ZMIZ2: variants seen among roughly 807,000 people sequenced by gnomAD.
ZMIZ2 encodes zinc finger MIZ domain-containing protein 2.
Under a neutral mutation model 93.9 loss-of-function variants are expected in ZMIZ2, and 26 were observed. The observed-to-expected ratio is 0.28, with a 90% CI of 0.20 to 0.38. The LOEUF (loss-of-function observed/expected upper bound fraction) is 0.38. Among genes scored for constraint, ZMIZ2 ranks in the 10% least tolerant of loss-of-function variants. ZMIZ2 has a pLI of 1.00. For synonymous variants in ZMIZ2, 485 were observed against 516.4 expected, an observed-to-expected ratio of 0.94 and a Z score of 0.82; for missense variants, 1,023 against 1,235.0, an observed-to-expected ratio of 0.83 and a Z score of 2.57.
chr7:44,764,796 C>A, intron 14 of ZMIZ2, 145 bp from the exon 15 acceptor site: 1 of 812,010 alleles, frequency 1.2e-6, no homozygotes, highest in Non-Finnish European at 2.0e-6. Flanking sequence ...ATAGGGTCAG[C>A]TCACACAGAG....
Position 44,764,999 on chromosome 7 carries a change from T to C in ZMIZ2, c.1987T>C (p.Tyr663His), listed in dbSNP as rs1791559485. ...VDQYMLGILI[Y>H]IQNSDYEEIT... ...CCAGTACATGCTGGGCATCCTGATT[T>C]ACATTCAGAAGTAAGCATCCTCTTC... is the stretch of plus-strand genomic sequence containing the variant. Residue 663 changes from tyrosine to histidine, a missense_variant, in exon 15 of 19, where the codon TAC becomes CAC. Physicochemically the swap from Tyr to His is moderately conservative, Grantham distance 83 (BLOSUM62 2). Around this residue, in one of 3 missense-constraint regions of ZMIZ2, gnomAD observed 319 missense variants for 358.8 expected, o/e 0.89. Coordinates refer to ENST00000309315, the MANE Select transcript of ZMIZ2 (RefSeq NM_031449.4). 1 of 1,614,234 alleles carries C rather than the reference T, an allele frequency of 6.2e-7. No individual in the cohort carries two copies. Among genetic ancestry groups the C allele is most frequent in the African/African-American group, 1.3e-5 (1 of 75,076 alleles).
At chr7:44,760,320 C>T in intron 8 of ZMIZ2, 92 bp downstream of exon 8, 3 of 1,568,472 alleles carry the variant, frequency 1.9e-6, no homozygotes, top group Non-Finnish European at 2.6e-6. Flanking sequence ...GGGGCCGCCT[C>T]CTGTCCACCT....
At position 44,756,440 on chromosome 7, in the gene ZMIZ2, A is replaced by G. The variant is rs201139620; in HGVS notation, c.66A>G (p.Ala22=). The G allele has an allele frequency of 1.8e-4, 296 of 1,614,086 alleles. No homozygotes were observed. In the Middle Eastern group the frequency reaches 2.0e-3, roughly 11 times the overall value. ...PPAPHGDGSF[A]YESVPWQQSA... is the part of the protein sequence containing the mutation. ...TTCCCTGCAGTGATGGTTCATTCGC[A>G]TATGAGTCTGTGCCTTGGCAACAAA... is the stretch of plus-strand genomic sequence containing the variant. Residue 22 remains alanine (A), a synonymous_variant, in exon 3 of 19, where the codon GCA becomes GCG. Coordinates refer to ENST00000309315, the MANE Select transcript of ZMIZ2 (RefSeq NM_031449.4).
At position 44,763,269 on chromosome 7, in the gene ZMIZ2, C is replaced by T. The variant is rs762093072; in HGVS notation, c.1716C>T (p.Phe572=). The change falls in exon 13 of 19, where the codon TTC becomes TTT. Residue 572 remains phenylalanine (F), a synonymous_variant. Transcript: ENST00000309315. The surrounding 1 kb of genome is among the most constrained non-coding windows in gnomAD (Gnocchi z 5.6). ...EHCITKIKRN[F]SSGTIPGTPG... ...TGTTGATGTCAGTAAAGCGGAACTT[C>T]AGCAGCGGCACCATCCCTGGCACCC... 3.1e-6 allele frequency: 5 copies of T among 1,613,908 alleles called. No homozygotes were observed. The Admixed American group carries it at 8.3e-5, about 27-fold the overall frequency.
In ZMIZ2 at chr7:44,757,477, G is replaced by A. The variant is rs557719047; in HGVS notation, c.468G>A (p.Ala156=). 4.9e-5 allele frequency: 79 copies of A among 1,602,002 alleles called. 1 individual carries two copies. The highest frequency in any genetic ancestry group is 3.0e-4 in the Admixed American group (18 of 59,550). ...QAAAAAAVAA[A]AATATATATA... The stretch of plus-strand genomic sequence containing the variant: ...CAGCTGCTGCAGCTGTGGCTGCTGC[G>A]GCAGCCACTGCCACCGCCACAGCCA... The change falls in exon 5 of 19, where the codon GCG becomes GCA. Residue 156 remains alanine (A), a synonymous_variant. Coordinates refer to ENST00000309315, the MANE Select transcript of ZMIZ2 (RefSeq NM_031449.4).
rs1792017278 is a variant in ZMIZ2, at chr7:44,769,785, TG to T, written c.*2163del. The stretch of plus-strand genomic sequence containing the variant: ...GAGGAATGCATGGGCACCGTGGCCC[TG>T]TGCTCCATCACAAACACCTCTCAGA... On this transcript the variant is annotated 3_prime_UTR_variant, in exon 19 of 19. Transcript: ENST00000309315. 1 of 152,292 alleles carries T rather than the reference TG, an allele frequency of 6.6e-6. No homozygotes were observed. Among genetic ancestry groups the T allele is most frequent in the Non-Finnish European group, 1.5e-5 (1 of 68,070 alleles). The allele number at this position is 152,292 out of a possible 1,614,324, so 9.4% of individuals were successfully genotyped here.
intron 1 of ZMIZ2, among the ~76,000 whole-genome samples, chr7:44,752,974 A>G (rs1790286376): frequency 1.3e-5 from 2 of 152,200 alleles, no homozygotes; most frequent in South Asian, 4.1e-4. Context: ...CATTCCCACT[A>G]GTAATGTGTG....
In ZMIZ2 at chr7:44,760,432, G is replaced by A. The variant is rs371090113; in HGVS notation, c.1079G>A (p.Arg360His). 7.7e-5 allele frequency: 125 copies of A among 1,613,744 alleles called. No individual in the cohort carries two copies. The highest frequency in any genetic ancestry group is 1.7e-4 in the Admixed American group (10 of 59,994). Residue 360 changes from arginine (R) to histidine (H), a missense_variant, in exon 9 of 19, where the codon CGT becomes CAT. Arg to His is a conservative substitution (Grantham distance 29, BLOSUM62 0). Around this residue, in one of 3 missense-constraint regions of ZMIZ2, gnomAD observed 656 missense variants for 777.1 expected, o/e 0.84. Coordinates refer to ENST00000309315, the MANE Select transcript of ZMIZ2 (RefSeq NM_031449.4). ...TTGTGCTCAACCCTACAGCCTACCC[G>A]TTCCATCCCGGGCTATCCCAGTTCC... ...YSQPGLSGPTRSIPGYPSSPL... is the reference protein window; with the variant it reads ...YSQPGLSGPTHSIPGYPSSPL...
Position 44,757,435 on chromosome 7 carries a change from T to C in ZMIZ2, c.426T>C (p.Thr142=), listed in dbSNP as rs747508320. The C allele has an allele frequency of 6.2e-7, 1 of 1,606,226 alleles. No individual in the cohort carries two copies. Among genetic ancestry groups the C allele is most frequent in the South Asian group, 1.1e-5 (1 of 91,070 alleles). ...CCTCACATGCTGCAAGACCCTCCACTGACTTCACGCAAGCGGCAGCTGCTG... is the reference window on the plus strand; with the variant it reads ...CCTCACATGCTGCAAGACCCTCCACCGACTTCACGCAAGCGGCAGCTGCTG... ...GLPSHAARPS[T]DFTQAAAAAA... The change falls in exon 5 of 19, where the codon ACT becomes ACC. Residue 142 remains threonine (T), a synonymous_variant. Transcript: ENST00000309315.
chr7:44,758,681 G>C (rs1790840770), intron 6 of ZMIZ2, among the ~76,000 whole-genome samples: 1 of 151,972 alleles, frequency 6.6e-6, no homozygotes, highest in Admixed American at 6.6e-5. Flanking sequence ...GGGAGGCCAA[G>C]GCGGGTGGAT....
At chr7:44,760,263 C>T (rs376474750) in intron 8 of ZMIZ2, 35 bp downstream of exon 8, 2 of 1,597,866 alleles carry the variant, frequency 1.3e-6, no homozygotes, top group African/African-American at 2.7e-5. Flanking sequence ...GGCCGGGAGG[C>T]TCACAGGGTG....
chr7:44,757,308 T>A (rs1790688015), intron 4 of ZMIZ2, 70 bp from the exon 5 acceptor site: 1 of 1,562,764 alleles, frequency 6.4e-7, no homozygotes, highest in Admixed American at 1.9e-5. Flanking sequence ...GCTGCATGCC[T>A]CTGGGGTGAG....
In ZMIZ2 at chr7:44,758,287, C is replaced by T. The variant is rs139974341; in HGVS notation, c.813+179C>T. Reference sequence around the variant, plus strand: ...TTGAGCTCAGGAGTTTGAGACCAGCCTGGGCAACATGGCGAAACCGTGTCT... The same window carrying T: ...TTGAGCTCAGGAGTTTGAGACCAGCTTGGGCAACATGGCGAAACCGTGTCT... On this transcript the variant is annotated intron_variant, in intron 6 of 18. Transcript: ENST00000309315. 2.4e-3 allele frequency among the ~76,000 whole-genome samples: 363 copies of T among 152,152 alleles called. 1 individual carries two copies. Among genetic ancestry groups the T allele is most frequent in the African/African-American group, 8.2e-3 (341 of 41,502 alleles).
chr7:44,755,426 C>T (rs924260350), intron 1 of ZMIZ2, among the ~76,000 whole-genome samples: 9 of 152,168 alleles, frequency 5.9e-5, no homozygotes, highest in African/African-American at 1.9e-4. Flanking sequence ...CTCGGGCAGC[C>T]CCCACTTGGT....
chr7:44,765,441 C>T lies in ZMIZ2; in HGVS notation c.2104C>T (p.Arg702Cys), dbSNP rs375252619. The T allele has an allele frequency of 5.0e-6, 8 of 1,608,784 alleles. No homozygotes were observed. The highest frequency in any genetic ancestry group is 1.3e-5 in the African/African-American group (1 of 74,924). The change falls in exon 16 of 19, where the codon CGC (arginine) becomes TGC (cysteine). Residue 702 changes from arginine (R) to cysteine (C), a missense_variant. By Grantham distance (180) the Arg-to-Cys change is radical. This residue lies in a region of ZMIZ2 where 319 missense variants were observed against 358.8 expected (regional missense o/e 0.89). Transcript: ENST00000309315. The surrounding 1 kb of genome is among the most constrained non-coding windows in gnomAD (Gnocchi z 4.1). ...GGAGCCGGATGGGCCAGCACTGAAG[C>T]GCTGCCGCACCGTGAGCCCCGCCCA... ...KEEPDGPALK[R>C]CRTVSPAHVL...
In ZMIZ2 at chr7:44,759,477, C is replaced by A; in HGVS notation, c.993+17C>A. On this transcript the variant is annotated intron_variant, in intron 7 of 18. Transcript: ENST00000309315. Reference sequence around the variant, plus strand: ...CATTATAAGGTAGGGCAGGCTCCTCCAGGCCCTGTGCCGGGCTCCGTGCTG... The same window carrying A: ...CATTATAAGGTAGGGCAGGCTCCTCAAGGCCCTGTGCCGGGCTCCGTGCTG... 1 of 1,466,928 alleles carries A rather than the reference C, an allele frequency of 6.8e-7. No homozygotes were observed. The highest frequency in any genetic ancestry group is 2.6e-5 in the East Asian group (1 of 37,940). The allele number at this position is 1,466,928 out of a possible 1,614,324, so 90.9% of individuals were successfully genotyped here. A position where few individuals can be genotyped will look rare whatever the true frequency, so the allele number is the denominator to read the frequency against.
chr7:44,766,635 C>T lies in ZMIZ2; in HGVS notation c.2627C>T (p.Ala876Val). Residue 876 changes from alanine (A) to valine (V), a missense_variant, in exon 18 of 19, where the codon GCC becomes GTC. Around this residue, in one of 3 missense-constraint regions of ZMIZ2, gnomAD observed 319 missense variants for 358.8 expected, o/e 0.89. Coordinates refer to ENST00000309315, the MANE Select transcript of ZMIZ2 (RefSeq NM_031449.4). The surrounding 1 kb of genome is among the most constrained non-coding windows in gnomAD (Gnocchi z 4.4). ...ATGGGGCCCCCCAGCATGTCTGGAG[C>T]CGGGGAGGCCCCAGAACCAGCTCTG... The part of the protein sequence containing the change: ...GVMGPPSMSG[A>V]GEAPEPALDL... 1 of 1,613,144 alleles carries T rather than the reference C, an allele frequency of 6.2e-7. No homozygotes were observed. The highest frequency in any genetic ancestry group is 8.5e-7 in the Non-Finnish European group (1 of 1,180,002).
intron 6 of ZMIZ2, 70 bp from the exon 7 acceptor site, chr7:44,759,211 T>C: frequency 7.3e-7 from 1 of 1,376,914 alleles, no homozygotes; most frequent in Non-Finnish European, 9.6e-7. Context: ...CACATGAGAC[T>C]CTACTTCCTT....
At chr7:44,755,591 G>C (rs558574900) in intron 1 of ZMIZ2, among the ~76,000 whole-genome samples, 20 of 152,298 alleles carry the variant, frequency 1.3e-4, no homozygotes, top group Admixed American at 1.3e-3. Context: ...CCAAGGCCAG[G>C]ATGGAGAGTT....
Sources: gnomAD v4.1 joint callset for allele counts (sites outside exome capture counted in the v4.1 genomes callset) on GRCh38, gnomAD v4.1.1 for gene constraint, gnomAD v4.1.1 regional missense constraint, Gnocchi (gnomAD v3.1) non-coding constraint, MANE v1.5 for transcripts, NCBI Gene and HGNC (gene_info 2026-07-23, HGNC 2026-07-21) for gene names.